Variants in PCMTD1 observed in about 807,000 individuals in gnomAD.
PCMTD1 encodes protein-L-isoaspartate (D-aspartate) O-methyltransferase domain containing 1.
PCMTD1 carries 12 observed loss-of-function variants against 37.6 expected under a neutral mutation model. That is an observed-to-expected ratio of 0.32 (90% confidence interval 0.20 to 0.52). The LOEUF (loss-of-function observed/expected upper bound fraction) is 0.52, where lower values mean the gene tolerates loss of function less well. Ranked by LOEUF, PCMTD1 falls within the 20% of genes least tolerant of loss-of-function variation. The pLI is 0.97. For missense variants in PCMTD1, 235 were observed against 421.3 expected (o/e 0.56, Z 3.87); for synonymous variants, 117 against 135.8 (o/e 0.86, Z 0.96).
chr8:51,895,800 C>T (rs1451296013), intron 1 of PCMTD1, among the ~76,000 whole-genome samples: 4 of 152,176 alleles, frequency 2.6e-5, no homozygotes, highest in African/African-American at 7.2e-5. Context: ...ATGGCAGATA[C>T]GCCATTTAGG....
intron 1 of PCMTD1, among the ~76,000 whole-genome samples, chr8:51,891,676 AT>A (rs1360062210): frequency 6.6e-5 from 8 of 122,020 alleles, no homozygotes; most frequent in Non-Finnish European, 8.9e-5. Flanking sequence ...AAAACAAAAA[AT>A]ATATATATAC....
intron 1 of PCMTD1, among the ~76,000 whole-genome samples, chr8:51,879,090 T>C (rs902199017): frequency 5.3e-5 from 8 of 152,036 alleles, no homozygotes; most frequent in Admixed American, 5.2e-4. Flanking sequence ...CATGCCACTG[T>C]AGTCTGGCCT....
intron 3 of PCMTD1, among the ~76,000 whole-genome samples, chr8:51,840,444 ATC>A (rs1318496531): frequency 1.3e-5 from 2 of 152,144 alleles, no homozygotes; most frequent in African/African-American, 4.8e-5. Flanking sequence ...GTATTTACAT[ATC>A]TGTCATAACT....
chr8:51,829,986 T>C (rs928510591), intron 5 of PCMTD1, among the ~76,000 whole-genome samples: 1 of 152,158 alleles, frequency 6.6e-6, no homozygotes, highest in Non-Finnish European at 1.5e-5. Flanking sequence ...AAAAAAACTA[T>C]GATCTAAGTC....
chr8:51,857,129 T>TGA (rs2038402890), intron 2 of PCMTD1, among the ~76,000 whole-genome samples: 1 of 152,112 alleles, frequency 6.6e-6, no homozygotes, highest in Admixed American at 6.5e-5. Flanking sequence ...AGTGTAGAGG[T>TGA]CAAACATCAT....
At position 51,878,527 on chromosome 8, in the gene PCMTD1, G is replaced by A. The variant is rs149525741; in HGVS notation, c.-95-17281C>T. 2.6e-3 allele frequency among the ~76,000 whole-genome samples: 401 copies of A among 152,178 alleles called. 3 individuals are homozygous for A. Among genetic ancestry groups the A allele is most frequent in the Non-Finnish European group, 4.4e-3 (297 of 67,994 alleles). Reference sequence around the variant, plus strand: ...TTTGGGAGGCTGAGGCAGGAGGACTGTTTGAGCCTAGGAGTTTGAGAACAG... The same window carrying A: ...TTTGGGAGGCTGAGGCAGGAGGACTATTTGAGCCTAGGAGTTTGAGAACAG... On this transcript the variant is annotated intron_variant, in intron 1 of 5. Transcript: ENST00000522514.
chr8:51,863,439 C>A (rs1026446282), intron 1 of PCMTD1, among the ~76,000 whole-genome samples: 3 of 152,204 alleles, frequency 2.0e-5, no homozygotes, highest in Admixed American at 1.3e-4. Context: ...AGAACTACCA[C>A]CATTTACTGA....
intron 1 of PCMTD1, among the ~76,000 whole-genome samples, chr8:51,891,138 G>T (rs1437620738): frequency 6.6e-6 from 1 of 152,104 alleles, no homozygotes; most frequent in Admixed American, 6.5e-5. Context: ...CAATATCTAG[G>T]GAAGTATAAT....
At position 51,818,190 on chromosome 8, in the gene PCMTD1, TAAAGTC is replaced by T. The variant is rs1408617056; in HGVS notation, c.*2155_*2160del. ...ATTTTCATTTTTCATTTCTACCTCTTAAAGTCAATGATAAACTCACAAGTGTAAAAT... is the reference window on the plus strand; with the variant it reads ...ATTTTCATTTTTCATTTCTACCTCTTAATGATAAACTCACAAGTGTAAAAT... On this transcript the variant is annotated 3_prime_UTR_variant, in exon 6 of 6. Transcript: ENST00000522514. The T allele has an allele frequency of 1.6e-5, 5 of 313,132 alleles. No individual in the cohort carries two copies. The highest frequency in any genetic ancestry group is 2.5e-5 in the Non-Finnish European group (4 of 161,802). 19.4% of individuals were successfully genotyped at this position (313,132 alleles called of 1,614,324 possible).
intron 1 of PCMTD1, among the ~76,000 whole-genome samples, chr8:51,898,037 G>T (rs2039033496): frequency 6.6e-6 from 1 of 152,048 alleles, no homozygotes. Context: ...GCGAGAGAGG[G>T]CAGGTTTCCT....
At chr8:51,828,208 C>T (rs566894877) in intron 5 of PCMTD1, among the ~76,000 whole-genome samples, 2 of 152,248 alleles carry the variant, frequency 1.3e-5, no homozygotes, top group South Asian at 2.1e-4. Context: ...GGTTGGGTCA[C>T]GGTCAAAGCC....
At chr8:51,899,051 C>A, upstream of PCMTD1, 1 of 1,505,850 alleles carries the variant, frequency 6.6e-7, no homozygotes, top group South Asian at 1.2e-5. Context: ...AGGCGGGGCC[C>A]GGACCCGCGA....
At position 51,820,528 on chromosome 8, in the gene PCMTD1, A is replaced by C. The variant is rs2037831366; in HGVS notation, c.897T>G (p.Pro299=). 6.2e-7 allele frequency: 1 copy of C among 1,612,798 alleles called. No individual in the cohort carries two copies. Among genetic ancestry groups the C allele is most frequent in the Non-Finnish European group, 8.5e-7 (1 of 1,179,686 alleles). Residue 299 remains proline, a synonymous_variant, in exon 6 of 6, where the codon CCT becomes CCG. Transcript: ENST00000522514. ...TTTTTTCATCCTCTTCACTGTCTAG[A>C]GGCTGAGGAATAAGCTGATTACCCA... ...VFVGNQLIPQ[P]LDSEEDEKME...
intron 5 of PCMTD1, among the ~76,000 whole-genome samples, chr8:51,821,978 G>A (rs1023711605): frequency 2.0e-5 from 3 of 152,064 alleles, no homozygotes; most frequent in African/African-American, 7.2e-5. Flanking sequence ...CTCGTGATCC[G>A]CCCACCTTGG....
intron 1 of PCMTD1, among the ~76,000 whole-genome samples, chr8:51,883,191 G>T (rs890579066): frequency 7.9e-5 from 12 of 151,816 alleles, no homozygotes; most frequent in African/African-American, 2.7e-4. Flanking sequence ...TTCAAAATGA[G>T]AGCAAATCAA....
chr8:51,821,044 G>C (rs1056308650), intron 5 of PCMTD1, among the ~76,000 whole-genome samples: 15 of 152,146 alleles, frequency 9.9e-5, no homozygotes, highest in African/African-American at 3.4e-4. Flanking sequence ...CCAGGAGAGA[G>C]ACTATCCTGT....
intron 1 of PCMTD1, among the ~76,000 whole-genome samples, chr8:51,861,725 AAT>A (rs2038472793): frequency 7.1e-6 from 1 of 141,626 alleles, no homozygotes. Flanking sequence ...TTTTTTTTTT[AAT>A]TTTTTTTTTT....
At chr8:51,839,761 T>A (rs567290511) in intron 3 of PCMTD1, 1 of 345,312 alleles carries the variant, frequency 2.9e-6, no homozygotes, top group African/African-American at 2.2e-5. Flanking sequence ...ATTATTCCAG[T>A]GGAATAGAGA....
chr8:51,846,889 T>C (rs913737035), intron 2 of PCMTD1, among the ~76,000 whole-genome samples: 1 of 152,190 alleles, frequency 6.6e-6, no homozygotes, highest in Non-Finnish European at 1.5e-5. Context: ...GATAATGCCT[T>C]CCCCTACTAT....
Sources: allele counts gnomAD v4.1 joint callset (sites outside exome capture counted in the v4.1 genomes callset), GRCh38; gene constraint gnomAD v4.1.1; transcripts MANE v1.5; gene names NCBI Gene and HGNC (gene_info 2026-07-23, HGNC 2026-07-21).